Variants in CAMTA1 observed in about 807,000 individuals in gnomAD.
CAMTA1 encodes the protein calmodulin binding transcription activator 1, also known as calmodulin-binding transcription activator 1.
A neutral mutation model predicts 170.9 loss-of-function variants in CAMTA1; 27 were observed. The observed-to-expected ratio is 0.16, with a 90% CI of 0.12 to 0.22. CAMTA1 has a LOEUF of 0.22. CAMTA1 is among the 10% of genes least tolerant of loss of function. The pLI, the probability that CAMTA1 is intolerant of heterozygous loss-of-function variation, is 1.00. For synonymous variants in CAMTA1, 833 were observed against 891.5 expected, an observed-to-expected ratio of 0.93 and a Z score of 1.17; for missense variants, 1,619 against 2,217.2, an observed-to-expected ratio of 0.73 and a Z score of 5.42.
rs767385256 is a variant in CAMTA1, at chr1:7,310,608, CTT to C, written c.438+60984_438+60985del. 4.4e-3 allele frequency among the ~76,000 whole-genome samples: 47 copies of C among 10,624 alleles called. 1 individual carries two copies. The highest frequency in any genetic ancestry group is 0.027 in the Admixed American group (24 of 888). 7.0% of individuals were successfully genotyped at this position (10,624 alleles called of 152,430 possible). Reference sequence around the variant, plus strand: ...CTTTTTCTTTTCTTTTCTTTTCTTTCTTTCTTTCTTTCTTTCTTTCTTTCTTT... The same window carrying C: ...CTTTTTCTTTTCTTTTCTTTTCTTTCTCTTTCTTTCTTTCTTTCTTTCTTT... On this transcript the variant is annotated intron_variant, in intron 5 of 22. Coordinates refer to ENST00000303635, the MANE Select transcript of CAMTA1 (RefSeq NM_015215.4).
chr1:7,395,116 CGG>C (rs2089176580), intron 5 of CAMTA1, among the ~76,000 whole-genome samples: 1 of 152,158 alleles, frequency 6.6e-6, no homozygotes, highest in Non-Finnish European at 1.5e-5. Flanking sequence ...CTCCTGACCT[CGG>C]GTGATCCACC....
chr1:7,356,715 G>A (rs941467763), intron 5 of CAMTA1, among the ~76,000 whole-genome samples: 1 of 152,130 alleles, frequency 6.6e-6, no homozygotes, highest in Admixed American at 6.5e-5. Flanking sequence ...TGCTTTTATA[G>A]GGAAACAGTA....
intron 3 of CAMTA1, among the ~76,000 whole-genome samples, chr1:6,836,468 G>GA (rs1318982855): frequency 6.6e-6 from 1 of 152,166 alleles, no homozygotes; most frequent in East Asian, 1.9e-4. Context: ...GGGTAGACTT[G>GA]AAAAAATTGT....
intron 3 of CAMTA1, among the ~76,000 whole-genome samples, chr1:6,862,858 T>C (rs1665256195): frequency 6.6e-6 from 1 of 152,186 alleles, no homozygotes; most frequent in Non-Finnish European, 1.5e-5. Context: ...TTTTCCCTTG[T>C]TTTGGAAAGA....
chr1:7,715,343 G>A (rs1231500074), intron 11 of CAMTA1, among the ~76,000 whole-genome samples: 2 of 152,014 alleles, frequency 1.3e-5, no homozygotes, highest in South Asian at 2.1e-4. Context: ...TAACCATTCC[G>A]TCAACCACTT....
At chr1:7,763,227 A>C (rs2096989149) in intron 22 of CAMTA1, among the ~76,000 whole-genome samples, 1 of 152,226 alleles carries the variant, frequency 6.6e-6, no homozygotes, top group Admixed American at 6.5e-5. Context: ...ATTGGAATTT[A>C]ATACTTTTTC....
intron 20 of CAMTA1, among the ~76,000 whole-genome samples, chr1:7,751,905 C>T (rs766128103): frequency 4.3e-4 from 65 of 152,202 alleles, no homozygotes; most frequent in Middle Eastern, 3.4e-3. Context: ...TGCTACATTC[C>T]GATTAGAGAC....
intron 4 of CAMTA1, among the ~76,000 whole-genome samples, chr1:7,174,233 A>G (rs1026993370): frequency 6.6e-6 from 1 of 152,222 alleles, no homozygotes; most frequent in African/African-American, 2.4e-5. Context: ...GAAACTTAGT[A>G]CAAACAGCCC....
intron 6 of CAMTA1, among the ~76,000 whole-genome samples, chr1:7,550,028 G>T (rs2094777285): frequency 6.6e-6 from 1 of 152,036 alleles, no homozygotes. Flanking sequence ...GGAGGAGGGT[G>T]TGCAAAGGAG....
In CAMTA1 at chr1:7,113,854, C is replaced by G. The variant is rs1644205437; in HGVS notation, c.302+22483C>G. On this transcript the variant is annotated intron_variant, in intron 4 of 22. Coordinates refer to ENST00000303635, the MANE Select transcript of CAMTA1 (RefSeq NM_015215.4). This position sits in a 1 kb window ranked among gnomAD's most constrained non-coding sequence, Gnocchi z 4.5. ...GGTGAGTGAGGTTTTACTTCTCCGTCCTTTGGTCCAAGGCTACTGGGAGGG... is the reference window on the plus strand; with the variant it reads ...GGTGAGTGAGGTTTTACTTCTCCGTGCTTTGGTCCAAGGCTACTGGGAGGG... 6.6e-6 allele frequency among the ~76,000 whole-genome samples: 1 copy of G among 152,198 alleles called. No homozygotes were observed. The highest frequency in any genetic ancestry group is 1.5e-5 in the Non-Finnish European group (1 of 68,032).
In CAMTA1 at chr1:6,934,678, C is replaced by T. The variant is rs1388244204; in HGVS notation, c.234+109468C>T. Among the ~76,000 whole-genome samples, 2 of 151,994 alleles carry T rather than the reference C, an allele frequency of 1.3e-5. No homozygotes were observed. Among genetic ancestry groups the T allele is most frequent in the Non-Finnish European group, 2.9e-5 (2 of 67,972 alleles). The stretch of plus-strand genomic sequence containing the variant: ...GCAAATGCCTCCCCTCCCTTCACCA[C>T]CACCCCCTCCCCTCTCTCCCCTCTT... On this transcript the variant is annotated intron_variant, in intron 3 of 22. Transcript: ENST00000303635. The surrounding 1 kb of genome is among the most constrained non-coding windows in gnomAD (Gnocchi z 4.5).
In CAMTA1 at chr1:7,050,284, G is replaced by C. The variant is rs1371660324; in HGVS notation, c.235-41020G>C. Among the ~76,000 whole-genome samples, 1 of 152,138 alleles carries C rather than the reference G, an allele frequency of 6.6e-6. No individual in the cohort carries two copies. On this transcript the variant is annotated intron_variant, in intron 3 of 22. Transcript: ENST00000303635. This position sits in a 1 kb window ranked among gnomAD's most constrained non-coding sequence, Gnocchi z 4.8. ...AGCCTCCTTGTCTTGCCTTCCTGGG[G>C]AGATGGGGCAGGAAGAGAGTCTGTA...
At chr1:6,900,445 A>T (rs781743756) in intron 3 of CAMTA1, among the ~76,000 whole-genome samples, 7 of 152,160 alleles carry the variant, frequency 4.6e-5, no homozygotes, top group Admixed American at 1.3e-4. Flanking sequence ...ACTTTCTAAT[A>T]ATTGAAAAGC....
In CAMTA1 at chr1:7,736,329, G is replaced by A. The variant is rs1463560981; in HGVS notation, c.3067-15G>A. Reference sequence around the variant, plus strand: ...CTTTAGTCCTGAGGTCGTAACGTGCGCTTTTTTGTGACAGTGTGCTTCTGG... The same window carrying A: ...CTTTAGTCCTGAGGTCGTAACGTGCACTTTTTTGTGACAGTGTGCTTCTGG... On this transcript the variant is annotated splice_polypyrimidine_tract_variant and intron_variant, in intron 12 of 22. Transcript: ENST00000303635. The surrounding 1 kb of genome is among the most constrained non-coding windows in gnomAD (Gnocchi z 4.5). 8 of 1,612,194 alleles carry A rather than the reference G, an allele frequency of 5.0e-6. No individual in the cohort carries two copies. The African/African-American group carries it at 8.0e-5, about 16-fold the overall frequency.
At chr1:7,661,409 A>C (rs1576670916) in intron 7 of CAMTA1, among the ~76,000 whole-genome samples, 1 of 151,408 alleles carries the variant, frequency 6.6e-6, no homozygotes, top group African/African-American at 2.4e-5. Flanking sequence ...CCATTCCAGC[A>C]CCCCTGGAAG....
rs758203530 is a variant in CAMTA1, at chr1:7,736,157, G to A, written c.3067-187G>A. ...AACTCCCGAGCAATCCTCCCACCTCGGCCTCCCAAAGTGCTAGGATTTCAG... is the reference window on the plus strand; with the variant it reads ...AACTCCCGAGCAATCCTCCCACCTCAGCCTCCCAAAGTGCTAGGATTTCAG... On this transcript the variant is annotated intron_variant, in intron 12 of 22. Coordinates refer to ENST00000303635, the MANE Select transcript of CAMTA1 (RefSeq NM_015215.4). This position sits in a 1 kb window ranked among gnomAD's most constrained non-coding sequence, Gnocchi z 4.5. Among the ~76,000 whole-genome samples the A allele has an allele frequency of 4.6e-5, 7 of 151,812 alleles. No individual in the cohort carries two copies. Among genetic ancestry groups the A allele is most frequent in the African/African-American group, 1.7e-4 (7 of 41,320 alleles).
chr1:7,152,277 G>T (rs7517897), intron 4 of CAMTA1, among the ~76,000 whole-genome samples: 1 of 151,930 alleles, frequency 6.6e-6, no homozygotes, highest in Non-Finnish European at 1.5e-5. Context: ...ACTCGAAGCA[G>T]TAGCTCCTAC....
At chr1:7,489,044 C>T in intron 6 of CAMTA1, among the ~76,000 whole-genome samples, 1 of 152,212 alleles carries the variant, frequency 6.6e-6, no homozygotes, top group Middle Eastern at 3.2e-3. Flanking sequence ...GACACAGAGC[C>T]TCTGGGTAAA....
chr1:6,884,821 T>A (rs1672729519), intron 3 of CAMTA1, among the ~76,000 whole-genome samples: 1 of 152,214 alleles, frequency 6.6e-6, no homozygotes, highest in African/African-American at 2.4e-5. Flanking sequence ...TATCCCACCT[T>A]TGGAAATCTC....
Sources: gnomAD v4.1 joint callset for allele counts (sites outside exome capture counted in the v4.1 genomes callset) on GRCh38, gnomAD v4.1.1 for gene constraint, Gnocchi (gnomAD v3.1) non-coding constraint, MANE v1.5 for transcripts, NCBI Gene and HGNC (gene_info 2026-07-23, HGNC 2026-07-21) for gene names.